PACRG: variants seen among roughly 807,000 people sequenced by gnomAD.
PACRG encodes parkin coregulated gene protein.
In PACRG, 29 loss-of-function variants were observed where a neutral mutation model predicts 29.7. The observed-to-expected ratio is 0.98, with a 90% CI of 0.73 to 1.33. The LOEUF (loss-of-function observed/expected upper bound fraction) is 1.33, where lower values mean the gene tolerates loss of function less well. Ranked by LOEUF, PACRG falls within the 40% of genes most tolerant of loss-of-function variation. PACRG has a pLI of 0.00. For missense variants in PACRG, 279 were observed against 316.2 expected, an observed-to-expected ratio of 0.88 and a Z score of 0.89; for synonymous variants, 116 against 118.7, an observed-to-expected ratio of 0.98 and a Z score of 0.15.
At chr6:162,877,014 GA>G (rs1439476714) in intron 2 of PACRG, among the ~76,000 whole-genome samples, 1 of 152,190 alleles carries the variant, frequency 6.6e-6, no homozygotes, top group Non-Finnish European at 1.5e-5. Context: ...CAACTGTGGT[GA>G]AAGACAGTGT....
At chr6:162,827,297 T>C (rs1788370694) in intron 2 of PACRG, among the ~76,000 whole-genome samples, 1 of 152,168 alleles carries the variant, frequency 6.6e-6, no homozygotes, top group South Asian at 2.1e-4. Context: ...TTCTAACTTA[T>C]TACATTTAAT....
chr6:163,119,235 C>T (rs1291609414), intron 4 of PACRG, among the ~76,000 whole-genome samples: 1 of 152,234 alleles, frequency 6.6e-6, no homozygotes, highest in Non-Finnish European at 1.5e-5. Context: ...CCAATACAGG[C>T]CACAGCTCTT....
chr6:162,859,239 A>C (rs1239977999), intron 2 of PACRG, among the ~76,000 whole-genome samples: 1 of 152,148 alleles, frequency 6.6e-6, no homozygotes, highest in African/African-American at 2.4e-5. Flanking sequence ...AAATGGCCAG[A>C]GTTGTTGCAA....
At chr6:163,214,856 C>T (rs1482542107) in intron 4 of PACRG, among the ~76,000 whole-genome samples, 1 of 152,112 alleles carries the variant, frequency 6.6e-6, no homozygotes, top group Non-Finnish European at 1.5e-5. Flanking sequence ...TTATTCCACA[C>T]TTTAATAGGT....
At chr6:163,162,487 T>C (rs1562944879) in intron 4 of PACRG, among the ~76,000 whole-genome samples, 1 of 152,222 alleles carries the variant, frequency 6.6e-6, no homozygotes, top group Non-Finnish European at 1.5e-5. Flanking sequence ...CAGCTTTCAT[T>C]TCGTTTCTGC....
chr6:163,119,710 G>A (rs1317974573), intron 4 of PACRG, among the ~76,000 whole-genome samples: 4 of 152,154 alleles, frequency 2.6e-5, no homozygotes, highest in African/African-American at 9.7e-5. Context: ...ATTTAATGTT[G>A]CATAAAAACC....
At chr6:163,098,158 T>C (rs936290980) in intron 4 of PACRG, among the ~76,000 whole-genome samples, 1 of 152,120 alleles carries the variant, frequency 6.6e-6, no homozygotes, top group South Asian at 2.1e-4. Flanking sequence ...GTCCCTTAGA[T>C]AGGAATTTGG....
chr6:162,937,266 T>C (rs1407864321), intron 2 of PACRG, among the ~76,000 whole-genome samples: 1 of 152,240 alleles, frequency 6.6e-6, no homozygotes, highest in Admixed American at 6.5e-5. Context: ...AAATTAACTT[T>C]AATGAATTAA....
chr6:163,218,653 C>T (rs1480478941), intron 4 of PACRG, among the ~76,000 whole-genome samples: 1 of 152,228 alleles, frequency 6.6e-6, no homozygotes, highest in Non-Finnish European at 1.5e-5. Flanking sequence ...GCAACACTCA[C>T]CCCAACCATC....
intron 2 of PACRG, among the ~76,000 whole-genome samples, chr6:163,050,413 C>T (rs1181565237): frequency 6.6e-6 from 1 of 152,038 alleles, no homozygotes; most frequent in Non-Finnish European, 1.5e-5. Context: ...TATCTTAGCC[C>T]CGCTTTATAA....
At chr6:162,958,681 T>C (rs1800257712) in intron 2 of PACRG, among the ~76,000 whole-genome samples, 1 of 151,486 alleles carries the variant, frequency 6.6e-6, no homozygotes, top group Admixed American at 6.6e-5. Context: ...CCTTTGTTTA[T>C]GGAGCTTAGA....
chr6:162,830,618 C>T (rs538235088), intron 2 of PACRG, among the ~76,000 whole-genome samples: 1 of 152,378 alleles, frequency 6.6e-6, no homozygotes, highest in South Asian at 2.1e-4. Context: ...TTGTCTGTGG[C>T]TCTCGCTACC....
intron 4 of PACRG, among the ~76,000 whole-genome samples, chr6:163,199,377 A>G (rs6917118): frequency 6.6e-6 from 1 of 152,020 alleles, no homozygotes; most frequent in Non-Finnish European, 1.5e-5. Context: ...AGGCTCCTCC[A>G]GGGTTTGTGT....
chr6:162,947,608 A>ATTT (rs1554313269), intron 2 of PACRG, among the ~76,000 whole-genome samples: 12 of 66,346 alleles, frequency 1.8e-4, no homozygotes, highest in Admixed American at 4.7e-4. Flanking sequence ...ATATATATAT[A>ATTT]ATCATATATA....
chr6:162,957,896 G>T (rs1456803469), intron 2 of PACRG, among the ~76,000 whole-genome samples: 1 of 152,152 alleles, frequency 6.6e-6, no homozygotes. Flanking sequence ...GACAGGCCAG[G>T]TATGTTACTT....
intron 4 of PACRG, among the ~76,000 whole-genome samples, chr6:163,278,868 A>G (rs1295955409): frequency 6.6e-6 from 1 of 152,098 alleles, no homozygotes; most frequent in East Asian, 1.9e-4. Flanking sequence ...TACTTCTTTG[A>G]AGAATGATGG....
At chr6:162,788,121 T>C (rs1784655911) in intron 1 of PACRG, among the ~76,000 whole-genome samples, 1 of 152,082 alleles carries the variant, frequency 6.6e-6, no homozygotes, top group African/African-American at 2.4e-5. Flanking sequence ...TTACGTATCA[T>C]ACAGAGTTTT....
intron 4 of PACRG, among the ~76,000 whole-genome samples, chr6:163,223,329 G>C (rs540016463): frequency 4.6e-5 from 7 of 152,296 alleles, no homozygotes; most frequent in African/African-American, 1.7e-4. Flanking sequence ...GGGAGGCAGA[G>C]GTTGCAGTAA....
intron 1 of PACRG, among the ~76,000 whole-genome samples, chr6:162,762,532 G>A (rs780000202): frequency 3.3e-5 from 5 of 152,112 alleles, no homozygotes; most frequent in Admixed American, 6.6e-5. Flanking sequence ...TGTTGTACTC[G>A]TGATTTTTAG....
Sources: allele counts gnomAD v4.1 joint callset (sites outside exome capture counted in the v4.1 genomes callset), GRCh38; gene constraint gnomAD v4.1.1; transcripts MANE v1.5; gene names NCBI Gene and HGNC (gene_info 2026-07-23, HGNC 2026-07-21).